The following TRIM6 variants were observed in gnomAD, a reference collection of about 807,000 sequenced individuals.
TRIM6 encodes the protein tripartite motif-containing protein 6.
In TRIM6, 43 loss-of-function variants were observed where a neutral mutation model predicts 51.2. The ratio of observed to expected loss-of-function variants is 0.84; its 90% CI spans 0.66 to 1.08. TRIM6 has a LOEUF of 1.08. Ranked by LOEUF, TRIM6 falls within the 50% of genes least tolerant of loss-of-function variation. The probability of loss-of-function intolerance (pLI) is 0.00; values close to 1 mark genes in which losing one functional copy is unlikely to be tolerated. For missense variants in TRIM6, 669 were observed against 619.0 expected (o/e 1.08, Z -0.86); for synonymous variants, 215 against 232.4 (o/e 0.93, Z 0.68).
At chr11:5,601,410 A>G (rs1003748566) in intron 1 of TRIM6, among the ~76,000 whole-genome samples, 2 of 152,214 alleles carry the variant, frequency 1.3e-5, no homozygotes, top group African/African-American at 4.8e-5. Flanking sequence ...AAAGAAAGCA[A>G]GAGAATGTGA....
At chr11:5,602,401 C>T (rs934952537) in intron 1 of TRIM6, among the ~76,000 whole-genome samples, 7 of 151,696 alleles carry the variant, frequency 4.6e-5, no homozygotes, top group Admixed American at 2.0e-4. Context: ...CGAGATCACG[C>T]CACTGCACTC....
chr11:5,598,979 C>T (rs1847652084), intron 1 of TRIM6, among the ~76,000 whole-genome samples: 1 of 152,160 alleles, frequency 6.6e-6, no homozygotes, highest in South Asian at 2.1e-4. Flanking sequence ...TTCTCCCACT[C>T]CTGGGCCCTG....
Position 5,596,791 on chromosome 11 carries a change from C to T in TRIM6, c.-107C>T. On this transcript the variant is annotated 5_prime_UTR_variant, in exon 1 of 8. Transcript: ENST00000380097. ...TGAGTTTAGATAAAAGCCGAGTGAG[C>T]GCGCTCTGTTCCTTAAGATTAGTTT... 9.6e-6 allele frequency: 15 copies of T among 1,570,298 alleles called. No individual in the cohort carries two copies. Among genetic ancestry groups the T allele is most frequent in the Middle Eastern group, 1.7e-4 (1 of 5,934 alleles).
At chr11:5,597,596 C>T (rs1392947686) in intron 1 of TRIM6, among the ~76,000 whole-genome samples, 1 of 152,172 alleles carries the variant, frequency 6.6e-6, no homozygotes, top group African/African-American at 2.4e-5. Flanking sequence ...CTTATAAATG[C>T]AACTGCCACC....
At chr11:5,608,503 G>C in intron 5 of TRIM6, 109 bp downstream of exon 5, 1 of 1,518,866 alleles carries the variant, frequency 6.6e-7, no homozygotes, top group African/African-American at 1.4e-5. Context: ...ATTCAAGAGA[G>C]TAGTCTTGAA....
chr11:5,597,479 A>T (rs560783749), intron 1 of TRIM6, among the ~76,000 whole-genome samples: 1 of 152,350 alleles, frequency 6.6e-6, no homozygotes, highest in African/African-American at 2.4e-5. Flanking sequence ...TCAAATATTT[A>T]TTGAGTCCTG....
At chr11:5,596,963 G>C (rs747983023) in intron 1 of TRIM6, 49 bp downstream of exon 1, 8 of 1,613,624 alleles carry the variant, frequency 5.0e-6, no homozygotes, top group Admixed American at 1.7e-5. Flanking sequence ...TTCTGGCAGA[G>C]GTGACAGGGC....
In TRIM6 at chr11:5,603,652, G is replaced by C. The variant is rs559162909; in HGVS notation, c.424G>C (p.Val142Leu). The C allele has an allele frequency of 6.2e-7, 1 of 1,613,440 alleles. No homozygotes were observed. The highest frequency in any genetic ancestry group is 2.2e-5 in the East Asian group (1 of 44,796). ...LQLFCQEDGK[V>L]ICWLCERSQE... ...GCTCTTCTGTCAGGAGGATGGGAAG[G>C]TCATTTGCTGGCTTTGTGAGCGGTC... The change falls in exon 2 of 8, where the codon GTC becomes CTC. Residue 142 changes from valine (V) to leucine (L), a missense_variant. Transcript: ENST00000380097.
chr11:5,604,687 G>C (rs758321333), intron 3 of TRIM6, 58 bp downstream of exon 3: 11 of 1,565,836 alleles, frequency 7.0e-6, no homozygotes, highest in Non-Finnish European at 9.5e-6. Context: ...GGTCATAGGA[G>C]CTGAGGGCAA....
intron 1 of TRIM6, among the ~76,000 whole-genome samples, chr11:5,600,301 T>C (rs1847759114): frequency 6.6e-6 from 1 of 152,236 alleles, no homozygotes; most frequent in South Asian, 2.1e-4. Context: ...TGTTGTTATG[T>C]GGAATTATTG....
At chr11:5,603,217 A>G (rs569349264) in intron 1 of TRIM6, 29 bp from the exon 2 acceptor site, 1 of 1,599,502 alleles carries the variant, frequency 6.3e-7, no homozygotes, top group African/African-American at 1.3e-5. Flanking sequence ...TCTTACCCTG[A>G]TCCTTTTTTT....
intron 4 of TRIM6, 113 bp downstream of exon 4, chr11:5,605,680 T>A: frequency 7.7e-7 from 1 of 1,301,434 alleles, no homozygotes; most frequent in South Asian, 1.6e-5. Flanking sequence ...AAAACATTCC[T>A]TTGGCGCTAT....
At chr11:5,601,252 GA>G (rs1380616098) in intron 1 of TRIM6, among the ~76,000 whole-genome samples, 2 of 152,202 alleles carry the variant, frequency 1.3e-5, no homozygotes, top group Non-Finnish European at 2.9e-5. Context: ...TGAGTTTGAG[GA>G]CGAAGCTTTG....
intron 6 of TRIM6, 42 bp from the exon 7 acceptor site, chr11:5,610,493 G>C: frequency 1.2e-6 from 2 of 1,613,914 alleles, no homozygotes; most frequent in Non-Finnish European, 8.5e-7. Flanking sequence ...ACATGAGACA[G>C]TTGGTCCTAT....
rs780690666 is a variant in TRIM6, at chr11:5,604,530, C to T, written c.508-4C>T. ...CCTGCTTGACCTGATTTGTTTTCTT[C>T]AAGGAGAAGTTTCAGGAGTCTCTAA... On this transcript the variant is annotated splice_polypyrimidine_tract_variant and splice_region_variant and intron_variant, in intron 2 of 7. Coordinates refer to ENST00000380097, the MANE Select transcript of TRIM6 (RefSeq NM_001003818.3). 3.7e-6 allele frequency: 6 copies of T among 1,608,180 alleles called. No homozygotes were observed. The highest frequency in any genetic ancestry group is 1.3e-5 in the African/African-American group (1 of 74,614).
intron 5 of TRIM6, among the ~76,000 whole-genome samples, chr11:5,609,433 G>A (rs992388027): frequency 6.6e-6 from 1 of 152,092 alleles, no homozygotes; most frequent in Admixed American, 6.6e-5. Context: ...CCAGCAATAG[G>A]CCCCTGGTGT....
chr11:5,605,357 A>G lies in TRIM6; in HGVS notation c.624A>G (p.Arg208=), dbSNP rs568135889. 14 of 1,614,136 alleles carry G rather than the reference A, an allele frequency of 8.7e-6. 1 individual carries two copies. In the Admixed American group the frequency reaches 1.2e-4, roughly 13 times the overall value. The change falls in exon 4 of 8, where the codon AGA becomes AGG. Residue 208 remains arginine, a synonymous_variant. Coordinates refer to ENST00000380097, the MANE Select transcript of TRIM6 (RefSeq NM_001003818.3). ...TGAAGAATCAGATGGAGCCTGAGAG[A>G]TGCAGGATCCAGACAGAGTTTAATC... The part of the protein sequence containing the change: ...TSWKNQMEPE[R]CRIQTEFNQL...
At chr11:5,605,059 T>C in intron 3 of TRIM6, 2 of 498,272 alleles carry the variant, frequency 4.0e-6, no homozygotes. Context: ...GATGCAGAGG[T>C]GAGGGAGGCT....
At chr11:5,597,015 A>G (rs2133803424) in intron 1 of TRIM6, 101 bp downstream of exon 1, 1 of 1,580,226 alleles carries the variant, frequency 6.3e-7, no homozygotes. Context: ...AACTCATTAT[A>G]TCTTTATTTC....
Sources: allele counts gnomAD v4.1 joint callset (sites outside exome capture counted in the v4.1 genomes callset), GRCh38; gene constraint gnomAD v4.1.1; transcripts MANE v1.5; gene names NCBI Gene and HGNC (gene_info 2026-07-23, HGNC 2026-07-21).